Variants in PTGS2 observed in about 807,000 individuals in gnomAD.
The protein encoded by PTGS2 is prostaglandin-endoperoxide synthase 2.
A neutral mutation model predicts 63.8 loss-of-function variants in PTGS2; 14 were observed. The observed-to-expected ratio is 0.22, with a 90% confidence interval of 0.14 to 0.34. The LOEUF (loss-of-function observed/expected upper bound fraction) is 0.34, where lower values mean the gene tolerates loss of function less well. PTGS2 is among the 10% of genes least tolerant of loss of function. The pLI, the probability that PTGS2 is intolerant of heterozygous loss-of-function variation, is 1.00. For synonymous variants in PTGS2, 271 were observed against 259.5 expected, an observed-to-expected ratio of 1.04 and a Z score of -0.43; for missense variants, 533 against 738.5, an observed-to-expected ratio of 0.72 and a Z score of 3.23.
Position 186,674,533 on chromosome 1 carries a change from G to T in PTGS2, c.1635C>A (p.Ile545=), listed in dbSNP as rs1335722796. 43 of 1,614,048 alleles carry T rather than the reference G, an allele frequency of 2.7e-5. No homozygotes were observed. Among genetic ancestry groups the T allele is most frequent in the Non-Finnish European group, 3.6e-5 (42 of 1,180,040 alleles). ...TGAGAGACTGAATTGAGGCAGTGTT[G>T]ATGATTTGAAAACCCACTTCTCCAC... The part of the protein sequence containing the change: ...TFGGEVGFQI[I]NTASIQSLIC... Residue 545 remains isoleucine, a synonymous_variant, in exon 10 of 10, where the codon ATC becomes ATA. Coordinates refer to ENST00000367468, the MANE Select transcript of PTGS2 (RefSeq NM_000963.4).
Position 186,677,695 on chromosome 1 carries a change from G to A in PTGS2, c.593C>T (p.Thr198Ile). The A allele has an allele frequency of 6.2e-7, 1 of 1,613,832 alleles. No homozygotes were observed. Among genetic ancestry groups the A allele is most frequent in the African/African-American group, 1.3e-5 (1 of 75,022 alleles). Reference sequence around the variant, plus strand: ...GAAAGCTGGCCCTCGCTTATGATCTGTCTTGAAAAACTGATGCGTGAAGTG... The same window carrying A: ...GAAAGCTGGCCCTCGCTTATGATCTATCTTGAAAAACTGATGCGTGAAGTG... ...AQHFTHQFFK[T>I]DHKRGPAFTN... The change falls in exon 5 of 10, where the codon ACA (threonine) becomes ATA (isoleucine). Residue 198 changes from threonine (T) to isoleucine (I), a missense_variant. By Grantham distance (89) the Thr-to-Ile change is moderately conservative. This residue lies in a region of PTGS2 where 118 missense variants were observed against 138.7 expected (regional missense o/e 0.85). Coordinates refer to ENST00000367468, the MANE Select transcript of PTGS2 (RefSeq NM_000963.4).
chr1:186,678,363 C>G lies in PTGS2; in HGVS notation c.355G>C (p.Asp119His), dbSNP rs1665817963. ...LIDSPPTYNADYGYKSWEAFS... is the reference protein window; with the variant it reads ...LIDSPPTYNAHYGYKSWEAFS... Reference sequence around the variant, plus strand: ...GCTTCCCAGCTTTTGTAGCCATAGTCAGCATTGTAAGTTGGTGGACTGTCA... The same window carrying G: ...GCTTCCCAGCTTTTGTAGCCATAGTGAGCATTGTAAGTTGGTGGACTGTCA... Residue 119 changes from aspartate to histidine, a missense_variant, in exon 4 of 10, where the codon GAC becomes CAC. Asp to His is a moderately conservative substitution (Grantham distance 81). Transcript: ENST00000367468. 2 of 1,612,850 alleles carry G rather than the reference C, an allele frequency of 1.2e-6. No homozygotes were observed. The highest frequency in any genetic ancestry group is 1.7e-6 in the Non-Finnish European group (2 of 1,179,410).
chr1:186,674,426 G>C lies in PTGS2; in HGVS notation c.1742C>G (p.Ala581Gly). 3.1e-6 allele frequency: 5 copies of C among 1,614,020 alleles called. No individual in the cohort carries two copies. The highest frequency in any genetic ancestry group is 3.4e-6 in the Non-Finnish European group (4 of 1,179,884). The change falls in exon 10 of 10, where the codon GCA becomes GGA. Residue 581 changes from alanine to glycine, a missense_variant. By Grantham distance (60) the Ala-to-Gly change is moderately conservative. Transcript: ENST00000367468. ...ATCTAGTCCGGAGCGGGAAGAACTT[G>C]CATTGATGGTGACTGTTTTAATGAG... ...PELIKTVTINASSSRSGLDDI... is the reference protein window; with the variant it reads ...PELIKTVTINGSSSRSGLDDI...
chr1:186,676,932 A>G lies in PTGS2; in HGVS notation c.640-16T>C. The G allele has an allele frequency of 6.3e-7, 1 of 1,591,906 alleles. No individual in the cohort carries two copies. Among genetic ancestry groups the G allele is most frequent in the Non-Finnish European group, 8.6e-7 (1 of 1,168,458 alleles). Reference sequence around the variant, plus strand: ...TTAAGTCCACCTAGAAAATGATGAAAAAATTTTAATTTGTTGCTGTTGAAG... The same window carrying G: ...TTAAGTCCACCTAGAAAATGATGAAGAAATTTTAATTTGTTGCTGTTGAAG... On this transcript the variant is annotated splice_polypyrimidine_tract_variant and intron_variant, in intron 5 of 9. Transcript: ENST00000367468.
intron 6 of PTGS2, 48 bp from the exon 7 acceptor site, chr1:186,676,761 C>T: frequency 6.3e-7 from 1 of 1,597,256 alleles, no homozygotes; most frequent in Non-Finnish European, 8.5e-7. Context: ...AGTTAAGGAA[C>T]ACATTTTTAG....
chr1:186,679,372 T>C lies in PTGS2; in HGVS notation c.119A>G (p.Tyr40Cys), dbSNP rs777767886. Residue 40 changes from tyrosine (Y) to cysteine (C), a missense_variant, in exon 2 of 10, where the codon TAT (tyrosine) becomes TGT (cysteine). This residue lies in a region of PTGS2 where 118 missense variants were observed against 144.6 expected (regional missense o/e 0.82). Coordinates refer to ENST00000367468, the MANE Select transcript of PTGS2 (RefSeq NM_000963.4). Reference protein sequence around the residue: ...GVCMSVGFDQYKCDCTRTGFY... With the variant: ...GVCMSVGFDQCKCDCTRTGFY... ...TCCTGTCCGGGTACAATCGCACTTA[T>C]ACTGGTCAAATCCCACACTCATACA... The C allele has an allele frequency of 4.3e-6, 7 of 1,614,172 alleles. No individual in the cohort carries two copies. Among genetic ancestry groups the C allele is most frequent in the Non-Finnish European group, 5.9e-6 (7 of 1,180,014 alleles).
In PTGS2 at chr1:186,675,921, A is replaced by G; in HGVS notation, c.1234T>C (p.Phe412Leu). 2 of 1,611,386 alleles carry G rather than the reference A, an allele frequency of 1.2e-6. No individual in the cohort carries two copies. The highest frequency in any genetic ancestry group is 1.7e-6 in the Non-Finnish European group (2 of 1,177,772). The change falls in exon 8 of 10, where the codon TTC (phenylalanine) becomes CTC (leucine). Residue 412 changes from phenylalanine to leucine, a missense_variant. By Grantham distance (22) the Phe-to-Leu change is conservative (BLOSUM62 0). Transcript: ENST00000367468. ...ACCCTGCCAGCAATTTGCCTGGTGA[A>G]TGATTCAACAAACTGGGTAATTCCA... ...EHGITQFVESFTRQIAGRVAG... is the reference protein window; with the variant it reads ...EHGITQFVESLTRQIAGRVAG...
At position 186,676,657 on chromosome 1, in the gene PTGS2, G is replaced by A. The variant is rs199504824; in HGVS notation, c.780C>T (p.Ile260=). ...GATGCTCAGGGACTTGAGGAGGGTA[G>A]ATCATCTCTGCCTGAGTATCTTTGA... The part of the protein sequence containing the change: ...PTVKDTQAEM[I]YPPQVPEHLR... The change falls in exon 7 of 10, where the codon ATC becomes ATT. Residue 260 remains isoleucine, a synonymous_variant. Coordinates refer to ENST00000367468, the MANE Select transcript of PTGS2 (RefSeq NM_000963.4). 56 of 1,614,066 alleles carry A rather than the reference G, an allele frequency of 3.5e-5. 1 individual carries two copies. The highest frequency in any genetic ancestry group is 3.1e-4 in the East Asian group (14 of 44,868).
chr1:186,676,913 C>A lies in PTGS2; in HGVS notation c.643G>T (p.Asp215Tyr), dbSNP rs1665791921. 10 of 1,602,152 alleles carry A rather than the reference C, an allele frequency of 6.2e-6. No homozygotes were observed. Among genetic ancestry groups the A allele is most frequent in the Non-Finnish European group, 8.5e-6 (10 of 1,175,348 alleles). ...GTTTCACCGTAAATATGATTTAAGT[C>A]CACCTAGAAAATGATGAAAAAATTT... ...AFTNGLGHGV[D>Y]LNHIYGETLA... The change falls in exon 6 of 10, where the codon GAC becomes TAC. Residue 215 changes from aspartate (D) to tyrosine (Y), a missense_variant. This residue lies in a region of PTGS2 where 118 missense variants were observed against 138.7 expected (regional missense o/e 0.85). Transcript: ENST00000367468.
At chr1:186,677,534 TA>T in intron 5 of PTGS2, 114 bp downstream of exon 5, 1 of 1,150,978 alleles carries the variant, frequency 8.7e-7, no homozygotes, top group South Asian at 2.1e-5. Context: ...GACTTCTTTT[TA>T]AAAAAAGTGG....
At position 186,673,440 on chromosome 1, in the gene PTGS2, G is replaced by A. The variant is rs1665725303; in HGVS notation, c.*913C>T. 6.6e-6 allele frequency: 1 copy of A among 152,044 alleles called. No individual in the cohort carries two copies. The allele number at this position is 152,044 out of a possible 1,614,324, so 9.4% of individuals were successfully genotyped here. A position where few individuals can be genotyped will look rare whatever the true frequency, so the allele number is the denominator to read the frequency against. On this transcript the variant is annotated 3_prime_UTR_variant, in exon 10 of 10. Coordinates refer to ENST00000367468, the MANE Select transcript of PTGS2 (RefSeq NM_000963.4). ...TAATTTGGTTTTCTTCTTTGTTATT[G>A]CTTATTTTAAAGGTAGACCCTTTTG...
chr1:186,674,923 A>G (rs888203841), intron 9 of PTGS2, among the ~76,000 whole-genome samples, 161 bp from the exon 10 acceptor site: 1 of 152,252 alleles, frequency 6.6e-6, no homozygotes, highest in Non-Finnish European at 1.5e-5. Context: ...TCACGCCTGT[A>G]ATCCCAGCAC....
At position 186,672,562 on chromosome 1, in the gene PTGS2, G is replaced by A. The variant is rs1665708143; in HGVS notation, c.*1791C>T. 1 of 152,416 alleles carries A rather than the reference G, an allele frequency of 6.6e-6. No homozygotes were observed. The highest frequency in any genetic ancestry group is 6.6e-5 in the Admixed American group (1 of 15,256). 9.4% of individuals were successfully genotyped at this position (152,416 alleles called of 1,614,324 possible). ...GGCTTAAACACAGTTTATAACCATA[G>A]TGTCCTAATAAGACATAAATAATAA... On this transcript the variant is annotated 3_prime_UTR_variant, in exon 10 of 10. Transcript: ENST00000367468.
chr1:186,676,198 A>G lies in PTGS2; in HGVS notation c.971-14T>C. 3 of 1,571,176 alleles carry G rather than the reference A, an allele frequency of 1.9e-6. No individual in the cohort carries two copies. Among genetic ancestry groups the G allele is most frequent in the Non-Finnish European group, 2.6e-6 (3 of 1,157,186 alleles). ...TAATAGTCTCTCCTATTTGCACAAAATAAATAATAAAAACATTTATTGCAT... is the reference window on the plus strand; with the variant it reads ...TAATAGTCTCTCCTATTTGCACAAAGTAAATAATAAAAACATTTATTGCAT... On this transcript the variant is annotated splice_polypyrimidine_tract_variant and intron_variant, in intron 7 of 9. Transcript: ENST00000367468.
chr1:186,676,612 C>T lies in PTGS2; in HGVS notation c.825G>A (p.Gln275=). The part of the protein sequence containing the change: ...VPEHLRFAVG[Q]EVFGLVPGLM... ...GACCAGGCACCAGACCAAAGACCTC[C>T]TGCCCCACAGCAAACCGTAGATGCT... is the stretch of plus-strand genomic sequence containing the variant. The change falls in exon 7 of 10, where the codon CAG becomes CAA. Residue 275 remains glutamine, a synonymous_variant. Coordinates refer to ENST00000367468, the MANE Select transcript of PTGS2 (RefSeq NM_000963.4). 6.2e-7 allele frequency: 1 copy of T among 1,614,146 alleles called. No individual in the cohort carries two copies. Among genetic ancestry groups the T allele is most frequent in the Non-Finnish European group, 8.5e-7 (1 of 1,180,022 alleles).
rs1464093581 is a variant in PTGS2 at position 186,673,889 on chromosome 1, T to C, written c.*464A>G. 2 of 152,366 alleles carry C rather than the reference T, an allele frequency of 1.3e-5. No homozygotes were observed. Among genetic ancestry groups the C allele is most frequent in the South Asian group, 2.1e-4 (1 of 4,832 alleles). 9.4% of individuals were successfully genotyped at this position (152,366 alleles called of 1,614,324 possible). On this transcript the variant is annotated 3_prime_UTR_variant, in exon 10 of 10. Transcript: ENST00000367468. ...TCTAATTTAAATATTCATTTAATAA[T>C]GCACTGATACCTGTTTTTGTTTGAT... is the stretch of plus-strand genomic sequence containing the variant.
chr1:186,677,884 A>T (rs947920595), intron 4 of PTGS2, 54 bp from the exon 5 acceptor site: 1 of 1,521,688 alleles, frequency 6.6e-7, no homozygotes, highest in African/African-American at 1.4e-5. Flanking sequence ...AAGAAAGGAG[A>T]TGGTGACTGT....
At chr1:186,677,972 T>C (rs4648270) in intron 4 of PTGS2, 142 bp from the exon 5 acceptor site, 1 of 783,574 alleles carries the variant, frequency 1.3e-6, no homozygotes, top group South Asian at 2.1e-5. Flanking sequence ...AGTTCTAAGA[T>C]ATGGTGGAAC....
At position 186,672,902 on chromosome 1, in the gene PTGS2, T is replaced by TC. The variant is rs1356804409; in HGVS notation, c.*1450dup. ...CTATTTTTAAAAGGGCCTTTTTTTT[T>TC]CTCTTTTAATCTTCTTAAGAGGAGC... is the stretch of plus-strand genomic sequence containing the variant. On this transcript the variant is annotated 3_prime_UTR_variant, in exon 10 of 10. Coordinates refer to ENST00000367468, the MANE Select transcript of PTGS2 (RefSeq NM_000963.4). 1 of 152,106 alleles carries TC rather than the reference T, an allele frequency of 6.6e-6. No individual in the cohort carries two copies. The highest frequency in any genetic ancestry group is 1.5e-5 in the Non-Finnish European group (1 of 67,970). The allele number at this position is 152,106 out of a possible 1,614,324, so 9.4% of individuals were successfully genotyped here.
Sources: allele counts gnomAD v4.1 joint callset (sites outside exome capture counted in the v4.1 genomes callset), GRCh38; gene constraint gnomAD v4.1.1; regional missense constraint gnomAD v4.1.1; transcripts MANE v1.5; gene names NCBI Gene and HGNC (gene_info 2026-07-23, HGNC 2026-07-21).